PLCB1: variants seen among roughly 807,000 people sequenced by gnomAD.
PLCB1 encodes the protein phospholipase C beta 1.
A neutral mutation model predicts 161.8 loss-of-function variants in PLCB1; 46 were observed. The ratio of observed to expected loss-of-function variants is 0.28; its 90% CI spans 0.22 to 0.36. The LOEUF is 0.36. Ranked by LOEUF, PLCB1 falls within the 10% of genes least tolerant of loss-of-function variation. PLCB1 has a pLI of 1.00. For synonymous variants in PLCB1, 517 were observed against 503.7 expected, an observed-to-expected ratio of 1.03 and a Z score of -0.35; for missense variants, 1,016 against 1,472.5, an observed-to-expected ratio of 0.69 and a Z score of 5.07.
intron 25 of PLCB1, among the ~76,000 whole-genome samples, chr20:8,762,114 G>T (rs2123577230): frequency 6.6e-6 from 1 of 152,196 alleles, no homozygotes; most frequent in East Asian, 2.0e-4. Flanking sequence ...GGAAGCTGAG[G>T]CAGGAAATTC....
At chr20:8,509,200 T>C (rs1983767816) in intron 3 of PLCB1, among the ~76,000 whole-genome samples, 1 of 152,148 alleles carries the variant, frequency 6.6e-6, no homozygotes, top group South Asian at 2.1e-4. Flanking sequence ...TTGAATAATA[T>C]TTTGGGGCTT....
intron 24 of PLCB1, among the ~76,000 whole-genome samples, chr20:8,759,896 A>ATTCTT (rs1981929298): frequency 1.3e-5 from 1 of 78,260 alleles, no homozygotes; most frequent in African/African-American, 5.1e-5. Flanking sequence ...ATAATATCAC[A>ATTCTT]TTTTTTTTTT....
intron 2 of PLCB1, among the ~76,000 whole-genome samples, chr20:8,206,178 C>A (rs549041784): frequency 1.3e-5 from 2 of 152,304 alleles, no homozygotes; most frequent in South Asian, 4.1e-4. Flanking sequence ...GTGCTCTTTT[C>A]CTGACCTATG....
At position 8,496,024 on chromosome 20, in the gene PLCB1, A is replaced by C. The variant is rs114387080; in HGVS notation, c.246+124574A>C. 2.8e-3 allele frequency among the ~76,000 whole-genome samples: 421 copies of C among 152,322 alleles called. 4 individuals are homozygous for C. Among genetic ancestry groups the C allele is most frequent in the African/African-American group, 9.6e-3 (401 of 41,566 alleles). On this transcript the variant is annotated intron_variant, in intron 3 of 31. Coordinates refer to ENST00000338037, the MANE Select transcript of PLCB1 (RefSeq NM_015192.4). ...GCAGCCTCTGAAGGATATGAGCCAT[A>C]ACAGAGCATAGACATTGCTTTTTTC...
chr20:8,393,619 C>T (rs899231218), intron 3 of PLCB1, among the ~76,000 whole-genome samples: 2 of 152,180 alleles, frequency 1.3e-5, no homozygotes, highest in African/African-American at 4.8e-5. Context: ...TGCACCACTG[C>T]ACTCCGGCCT....
chr20:8,614,584 CTGTGTGTGTGTGTG>C (rs71331317), intron 3 of PLCB1, among the ~76,000 whole-genome samples: 556 of 147,054 alleles, frequency 3.8e-3, no homozygotes, highest in Non-Finnish European at 5.3e-3. Context: ...ATGTAAAATT[CTGTGTGTGTGTGTG>C]TGTGTGTGTG....
At position 8,789,506 on chromosome 20, in the gene PLCB1, A is replaced by G. The variant is rs750970703; in HGVS notation, c.3279-12A>G. The G allele has an allele frequency of 6.3e-7, 1 of 1,589,542 alleles. No individual in the cohort carries two copies. On this transcript the variant is annotated splice_polypyrimidine_tract_variant and intron_variant, in intron 29 of 31. Coordinates refer to ENST00000338037, the MANE Select transcript of PLCB1 (RefSeq NM_015192.4). Reference sequence around the variant, plus strand: ...GAATTGGTATAATGATGTATTCATCATTTGCTTTTAGGGAGAAGACAGAGA... The same window carrying G: ...GAATTGGTATAATGATGTATTCATCGTTTGCTTTTAGGGAGAAGACAGAGA...
intron 11 of PLCB1, among the ~76,000 whole-genome samples, chr20:8,707,062 G>A (rs957679065): frequency 8.5e-5 from 13 of 152,224 alleles, no homozygotes; most frequent in Admixed American, 2.6e-4. Flanking sequence ...GCCTTTTATA[G>A]TGCTTGCTTT....
At chr20:8,672,787 G>C (rs948707584) in intron 9 of PLCB1, among the ~76,000 whole-genome samples, 3 of 151,974 alleles carry the variant, frequency 2.0e-5, no homozygotes, top group African/African-American at 7.3e-5. Flanking sequence ...GTTAAATGAG[G>C]GGCATCAGCT....
intron 31 of PLCB1, chr20:8,802,060 A>T: frequency 1.3e-6 from 2 of 1,585,834 alleles, no homozygotes; most frequent in Non-Finnish European, 1.7e-6. Flanking sequence ...ACACAGGGGG[A>T]AGGTTCCTCC....
At chr20:8,632,035 C>CTTTTTTTTTTTGTTT (rs1568537430) in intron 4 of PLCB1, among the ~76,000 whole-genome samples, 13 of 45,982 alleles carry the variant, frequency 2.8e-4, no homozygotes, top group Non-Finnish European at 4.8e-4. Flanking sequence ...GTTTTTTTTG[C>CTTTTTTTTTTTGTTT]TTTTTTTTTT....
chr20:8,779,443 A>G (rs551094436), intron 27 of PLCB1, among the ~76,000 whole-genome samples: 1 of 144,724 alleles, frequency 6.9e-6, no homozygotes, highest in East Asian at 2.2e-4. Context: ...TTTTTGATGT[A>G]ATTGTTCATA....
intron 3 of PLCB1, among the ~76,000 whole-genome samples, chr20:8,409,444 T>TCA (rs1555804397): frequency 6.8e-6 from 1 of 147,310 alleles, no homozygotes; most frequent in Non-Finnish European, 1.5e-5. Flanking sequence ...GTATATTATT[T>TCA]TTATTATTAT....
intron 3 of PLCB1, among the ~76,000 whole-genome samples, chr20:8,526,440 G>A (rs1568494030): frequency 1.3e-5 from 2 of 152,042 alleles, no homozygotes; most frequent in Non-Finnish European, 1.5e-5. Context: ...AATTTCTAGT[G>A]TATTATACTA....
At chr20:8,438,801 G>C (rs1172562813) in intron 3 of PLCB1, among the ~76,000 whole-genome samples, 1 of 152,126 alleles carries the variant, frequency 6.6e-6, no homozygotes, top group East Asian at 1.9e-4. Context: ...CTCACCCCAG[G>C]CCACAAGAAG....
intron 3 of PLCB1, among the ~76,000 whole-genome samples, chr20:8,619,826 A>ATGAATATATT (rs1988129381): frequency 6.6e-6 from 1 of 152,250 alleles, no homozygotes; most frequent in Admixed American, 6.5e-5. Context: ...TACACAAACC[A>ATGAATATATT]TGAATATATT....
intron 2 of PLCB1, among the ~76,000 whole-genome samples, chr20:8,300,357 T>C (rs893273159): frequency 2.6e-5 from 4 of 152,152 alleles, no homozygotes; most frequent in Non-Finnish European, 5.9e-5. Flanking sequence ...AATGGAGATC[T>C]GTTAGTTCCA....
chr20:8,621,199 A>G (rs1988174664), intron 3 of PLCB1, among the ~76,000 whole-genome samples: 1 of 152,140 alleles, frequency 6.6e-6, no homozygotes, highest in African/African-American at 2.4e-5. Context: ...AGGAAGGCAC[A>G]TAGGATCCTA....
intron 23 of PLCB1, among the ~76,000 whole-genome samples, chr20:8,743,938 C>A (rs2123527504): frequency 6.6e-6 from 1 of 152,156 alleles, no homozygotes; most frequent in Non-Finnish European, 1.5e-5. Context: ...AAATTCTTTT[C>A]TCTTTTTCCT....
Sources: gnomAD v4.1 joint callset for allele counts (sites outside exome capture counted in the v4.1 genomes callset) on GRCh38, gnomAD v4.1.1 for gene constraint, MANE v1.5 for transcripts, NCBI Gene and HGNC (gene_info 2026-07-23, HGNC 2026-07-21) for gene names.